The following PAFAH1B1 variants were observed in gnomAD, a reference collection of about 807,000 sequenced individuals.
PAFAH1B1 encodes the protein platelet activating factor acetylhydrolase 1b regulatory subunit 1, also known as platelet-activating factor acetylhydrolase IB subunit beta.
Under a neutral mutation model 57.5 loss-of-function variants are expected in PAFAH1B1, and 2 were observed. That is an observed-to-expected ratio of 0.03 (90% confidence interval 0.01 to 0.11). The LOEUF is 0.11. Ranked by LOEUF, PAFAH1B1 falls within the 10% of genes least tolerant of loss-of-function variation. The pLI is 1.00. For synonymous variants in PAFAH1B1, 152 were observed against 169.6 expected (o/e 0.90, Z 0.81); for missense variants, 257 against 512.0 (o/e 0.50, Z 4.81).
At chr17:2,667,992 T>G (rs1055465719) in intron 5 of PAFAH1B1, among the ~76,000 whole-genome samples, 3 of 151,876 alleles carry the variant, frequency 2.0e-5, no homozygotes, top group African/African-American at 7.3e-5. Flanking sequence ...TAAGGGTTAT[T>G]TCAAAGTAAG....
intron 1 of PAFAH1B1, among the ~76,000 whole-genome samples, chr17:2,605,927 A>G (rs1006748441): frequency 2.0e-5 from 3 of 152,186 alleles, no homozygotes; most frequent in Non-Finnish European, 4.4e-5. Flanking sequence ...TGTGATGGCA[A>G]AAATGATTTG....
intron 1 of PAFAH1B1, among the ~76,000 whole-genome samples, chr17:2,607,792 C>T (rs1488688352): frequency 6.6e-6 from 1 of 152,028 alleles, no homozygotes. Flanking sequence ...GGCTTGATGT[C>T]CCTTTTGTAC....
chr17:2,644,601 A>G lies in PAFAH1B1; in HGVS notation c.32+6281A>G, dbSNP rs2068742692. ...ATGTAGTACCTAGTTCTCTACTTAT[A>G]CCTTAATGTATTCAACCAGTCTCCC... On this transcript the variant is annotated intron_variant, in intron 2 of 10. Transcript: ENST00000397195. 2.0e-5 allele frequency among the ~76,000 whole-genome samples: 3 copies of G among 152,210 alleles called. No individual in the cohort carries two copies. The South Asian group carries it at 6.2e-4, about 31-fold the overall frequency.
At position 2,621,607 on chromosome 17, in the gene PAFAH1B1, C is replaced by CTTT. The variant is rs534219431; in HGVS notation, c.-190-16458_-190-16456dup. On this transcript the variant is annotated intron_variant, in intron 1 of 10. Coordinates refer to ENST00000397195, the MANE Select transcript of PAFAH1B1 (RefSeq NM_000430.4). ...TATTCAAGCATGGTAGATAATCTGT[C>CTTT]TTTTTTTTTTTTTTTTTTTTTTTTT... Among the ~76,000 whole-genome samples, 6 of 84,762 alleles carry CTTT rather than the reference C, an allele frequency of 7.1e-5. 1 individual carries two copies. The highest frequency in any genetic ancestry group is 2.7e-4 in the African/African-American group (4 of 14,720). The allele number at this position is 84,762 out of a possible 152,430, so 55.6% of individuals were successfully genotyped here. A position where few individuals can be genotyped will look rare whatever the true frequency, so the allele number is the denominator to read the frequency against.
At chr17:2,647,617 C>T (rs1362075456) in intron 2 of PAFAH1B1, among the ~76,000 whole-genome samples, 2 of 152,140 alleles carry the variant, frequency 1.3e-5, no homozygotes, top group African/African-American at 2.4e-5. Flanking sequence ...ATAGTGGAAT[C>T]CAGTCGGATA....
chr17:2,653,520 G>A (rs2068895645), intron 2 of PAFAH1B1, among the ~76,000 whole-genome samples: 1 of 151,994 alleles, frequency 6.6e-6, no homozygotes, highest in Admixed American at 6.6e-5. Flanking sequence ...TTTCAAACAG[G>A]TATTTTCCAC....
chr17:2,639,515 A>G (rs1236781988), intron 2 of PAFAH1B1: 1 of 152,200 alleles, frequency 6.6e-6, no homozygotes, highest in African/African-American at 2.4e-5. Flanking sequence ...GGTGAAGAAC[A>G]TAGGGGGATT....
intron 2 of PAFAH1B1, among the ~76,000 whole-genome samples, chr17:2,653,438 G>A (rs1269755445): frequency 6.6e-6 from 1 of 151,990 alleles, no homozygotes; most frequent in Non-Finnish European, 1.5e-5. Flanking sequence ...AAAGATTTGG[G>A]TACTTTTTGC....
chr17:2,678,231 A>T (rs1440732644), intron 9 of PAFAH1B1, among the ~76,000 whole-genome samples: 1 of 151,862 alleles, frequency 6.6e-6, no homozygotes, highest in Non-Finnish European at 1.5e-5. Flanking sequence ...GAGGAACCCC[A>T]TCGCTGCTAA....
chr17:2,613,120 TTTC>T (rs201621572), intron 1 of PAFAH1B1, among the ~76,000 whole-genome samples: 5 of 81,714 alleles, frequency 6.1e-5, no homozygotes, highest in Non-Finnish European at 1.3e-4. Context: ...TATCTTTTTC[TTTC>T]TTTTTTTTTC....
intron 1 of PAFAH1B1, chr17:2,613,649 T>C (rs373504095): frequency 3.4e-6 from 1 of 294,326 alleles, no homozygotes. Flanking sequence ...CTGAGTATAC[T>C]CTCCACAGCC....
At chr17:2,643,911 C>G (rs2151638780) in intron 2 of PAFAH1B1, among the ~76,000 whole-genome samples, 1 of 152,224 alleles carries the variant, frequency 6.6e-6, no homozygotes, top group South Asian at 2.1e-4. Context: ...CCCTTTCGCC[C>G]AGGCTGGAGT....
chr17:2,652,238 G>A (rs546803825), intron 2 of PAFAH1B1, among the ~76,000 whole-genome samples: 24 of 150,244 alleles, frequency 1.6e-4, no homozygotes, highest in South Asian at 6.3e-4. Flanking sequence ...GTGAAACCCC[G>A]TCTCTACTAA....
chr17:2,633,454 C>T (rs969252561), intron 1 of PAFAH1B1, among the ~76,000 whole-genome samples: 1 of 151,748 alleles, frequency 6.6e-6, no homozygotes, highest in Non-Finnish European at 1.5e-5. Flanking sequence ...AGGTGTGAGC[C>T]ACTGTGCCCA....
At chr17:2,661,610 G>A (rs2069014421) in intron 2 of PAFAH1B1, among the ~76,000 whole-genome samples, 1 of 152,098 alleles carries the variant, frequency 6.6e-6, no homozygotes, top group Non-Finnish European at 1.5e-5. Context: ...GATGCCTCCA[G>A]CTTTGTTCTT....
intron 2 of PAFAH1B1, among the ~76,000 whole-genome samples, chr17:2,655,482 T>C (rs2068924722): frequency 6.6e-6 from 1 of 152,152 alleles, no homozygotes; most frequent in Non-Finnish European, 1.5e-5. Context: ...AACATCAGCC[T>C]GACCAACATG....
Position 2,668,425 on chromosome 17 carries a change from G to GCCTA in PAFAH1B1, c.399+1228_399+1231dup, listed in dbSNP as rs2069137491. 3.3e-5 allele frequency among the ~76,000 whole-genome samples: 5 copies of GCCTA among 152,320 alleles called. No homozygotes were observed. In the South Asian group the frequency reaches 1.0e-3, roughly 32 times the overall value. On this transcript the variant is annotated intron_variant, in intron 5 of 10. Transcript: ENST00000397195. ...TTATGGGCCGGGTGTGGTAGCTCAT[G>GCCTA]CCTATAGTCCTAGGACTTTGGGAGG... is the stretch of plus-strand genomic sequence containing the variant.
chr17:2,664,455 G>A (rs1311894266), intron 2 of PAFAH1B1, among the ~76,000 whole-genome samples: 1 of 150,522 alleles, frequency 6.6e-6, no homozygotes, highest in Non-Finnish European at 1.5e-5. Flanking sequence ...GCCCAGGCTA[G>A]AGTGCAGTGA....
chr17:2,603,626 G>GA (rs59609627), intron 1 of PAFAH1B1, among the ~76,000 whole-genome samples: 90 of 146,106 alleles, frequency 6.2e-4, no homozygotes, highest in Non-Finnish European at 1.0e-3. Flanking sequence ...TTGTCTCAAG[G>GA]AAAAAAAAAA....
Sources: gnomAD v4.1 joint callset for allele counts (sites outside exome capture counted in the v4.1 genomes callset) on GRCh38, gnomAD v4.1.1 for gene constraint, MANE v1.5 for transcripts, NCBI Gene and HGNC (gene_info 2026-07-23, HGNC 2026-07-21) for gene names.